The following AEBP1 variants were observed in gnomAD, a reference collection of about 807,000 sequenced individuals.
AEBP1 encodes AE binding protein 1.
In AEBP1, 69 loss-of-function variants were observed where a neutral mutation model predicts 116.5. The observed-to-expected ratio is 0.59, with a 90% CI of 0.49 to 0.72. The LOEUF is 0.72. Ranked by LOEUF, AEBP1 falls within the 30% of genes least tolerant of loss-of-function variation. AEBP1 has a pLI of 0.00. For missense variants in AEBP1, 1,444 were observed against 1,557.5 expected, an observed-to-expected ratio of 0.93 and a Z score of 1.23; for synonymous variants, 627 against 627.3, an observed-to-expected ratio of 1.00 and a Z score of 0.01.
rs1583552782 is a variant in AEBP1 at position 44,110,314 on chromosome 7, C to A, written c.1368C>A (p.Gly456=). 1 of 1,613,712 alleles carries A rather than the reference C, an allele frequency of 6.2e-7. No homozygotes were observed. The highest frequency in any genetic ancestry group is 1.1e-5 in the South Asian group (1 of 91,088). The stretch of plus-strand genomic sequence containing the variant: ...CCAGGAGGACTACCCGGTTCACAGG[C>A]GTCATCACCCAGGGCAGAGACTCCA... ...VDTRRTTRFT[G]VITQGRDSSI... is the part of the protein sequence containing the mutation. The change falls in exon 11 of 21, where the codon GGC becomes GGA. Residue 456 remains glycine (G), a synonymous_variant. Coordinates refer to ENST00000223357, the MANE Select transcript of AEBP1 (RefSeq NM_001129.5).
In AEBP1 at chr7:44,110,187, C is replaced by T. The variant is rs1289648943; in HGVS notation, c.1261-20C>T. The T allele has an allele frequency of 3.1e-6, 5 of 1,613,350 alleles. No individual in the cohort carries two copies. In the African/African-American group the frequency reaches 5.3e-5, roughly 17 times the overall value. On this transcript the variant is annotated intron_variant, in intron 10 of 20. Transcript: ENST00000223357. ...AGGGACTCCTCCGCCCATGCTCAGC[C>T]TCCCCTGCCCCCTGGACAGACCGGT... is the stretch of plus-strand genomic sequence containing the variant.
Position 44,110,236 on chromosome 7 carries a change from T to C in AEBP1, c.1290T>C (p.Asp430=). 1 of 1,613,714 alleles carries C rather than the reference T, an allele frequency of 6.2e-7. No individual in the cohort carries two copies. Among genetic ancestry groups the C allele is most frequent in the Non-Finnish European group, 8.5e-7 (1 of 1,180,010 alleles). ...GTGCCACTGAGGACGACTACTATGA[T>C]GGTGCGTGGTGTGCCGAGGACGATG... ...QTGATEDDYY[D]GAWCAEDDAR... Residue 430 remains aspartate, a synonymous_variant, in exon 11 of 21, where the codon GAT becomes GAC. Transcript: ENST00000223357.
At position 44,113,860 on chromosome 7, in the gene AEBP1, C is replaced by T. The variant is rs1447611514; in HGVS notation, c.3076C>T (p.Arg1026Cys). 2.5e-6 allele frequency: 4 copies of T among 1,613,818 alleles called. No homozygotes were observed. The highest frequency in any genetic ancestry group is 4.5e-5 in the East Asian group (2 of 44,876). ...RRLQQRRLQH[R>C]LRLRAQMRLR... The stretch of plus-strand genomic sequence containing the variant: ...CCTGCAGCAGCGACGCCTACAACAC[C>T]GCCTGCGGCTTCGGGCACAGATGCG... Residue 1026 changes from arginine to cysteine, a missense_variant, in exon 21 of 21, where the codon CGC becomes TGC. By Grantham distance (180) the Arg-to-Cys change is radical. Transcript: ENST00000223357. This position sits in a 1 kb window ranked among gnomAD's most constrained non-coding sequence, Gnocchi z 5.3.
rs142028646 is a variant in AEBP1, at chr7:44,112,719, G to A, written c.2379G>A (p.Arg793=). The change falls in exon 18 of 21, where the codon CGG becomes CGA. Residue 793 remains arginine (R), a synonymous_variant. Transcript: ENST00000223357. The surrounding 1 kb of genome is among the most constrained non-coding windows in gnomAD (Gnocchi z 6.6). The stretch of plus-strand genomic sequence containing the variant: ...TGGCCGCAGCCATGGCAGCAGCCCG[G>A]GGGGAGGATGAGGACGAGGTCTCCG... The part of the protein sequence containing the change: ...QLLAAAMAAA[R]GEDEDEVSEA... The A allele has an allele frequency of 1.9e-5, 30 of 1,613,264 alleles. No individual in the cohort carries two copies. The African/African-American group carries it at 2.8e-4, about 15-fold the overall frequency.
At chr7:44,109,068 A>G (rs2096226070) in intron 7 of AEBP1, 39 bp from the exon 8 acceptor site, 1 of 1,612,758 alleles carries the variant, frequency 6.2e-7, no homozygotes, top group East Asian at 2.2e-5. Context: ...CAAAGCCCAG[A>G]GCCAGGCTGA....
chr7:44,109,063 C>A, intron 7 of AEBP1, 44 bp from the exon 8 acceptor site: 1 of 1,612,408 alleles, frequency 6.2e-7, no homozygotes, highest in Non-Finnish European at 8.5e-7. Context: ...GTCCTCAAAG[C>A]CCAGAGCCAG....
In AEBP1 at chr7:44,108,063, G is replaced by A. The variant is rs138067786; in HGVS notation, c.919G>A (p.Val307Met). The change falls in exon 6 of 21, where the codon GTG becomes ATG. Residue 307 changes from valine (V) to methionine (M), a missense_variant. Coordinates refer to ENST00000223357, the MANE Select transcript of AEBP1 (RefSeq NM_001129.5). This position sits in a 1 kb window ranked among gnomAD's most constrained non-coding sequence, Gnocchi z 5.0. Reference protein sequence around the residue: ...PLPPDYGDGYVIPNYDDMDYY... With the variant: ...PLPPDYGDGYMIPNYDDMDYY... The stretch of plus-strand genomic sequence containing the variant: ...GCCCCCTGACTATGGTGATGGTTAC[G>A]TGATCCCCAACTACGATGACAGTGA... 2.1e-4 allele frequency: 343 copies of A among 1,602,668 alleles called. 1 individual carries two copies. In the African/African-American group the frequency reaches 3.7e-3, roughly 17 times the overall value.
Position 44,107,373 on chromosome 7 carries a change from C to A in AEBP1, c.596-66C>A. On this transcript the variant is annotated intron_variant, in intron 2 of 20. Coordinates refer to ENST00000223357, the MANE Select transcript of AEBP1 (RefSeq NM_001129.5). This position sits in a 1 kb window ranked among gnomAD's most constrained non-coding sequence, Gnocchi z 4.3. ...GTGGGCTCTATGGGTGGCTGGTGGC[C>A]TGAGGCTCCCAAGGTGGTCAGAGCA... 1 of 1,538,190 alleles carries A rather than the reference C, an allele frequency of 6.5e-7. No individual in the cohort carries two copies. Among genetic ancestry groups the A allele is most frequent in the East Asian group, 2.3e-5 (1 of 44,430 alleles).
chr7:44,111,422 T>C lies in AEBP1; in HGVS notation c.1717-85T>C. The C allele has an allele frequency of 6.7e-7, 1 of 1,491,860 alleles. No homozygotes were observed. The highest frequency in any genetic ancestry group is 8.9e-7 in the Non-Finnish European group (1 of 1,119,026). 92.4% of individuals were successfully genotyped at this position (1,491,860 alleles called of 1,614,324 possible). On this transcript the variant is annotated intron_variant, in intron 14 of 20. Transcript: ENST00000223357. The surrounding 1 kb of genome is among the most constrained non-coding windows in gnomAD (Gnocchi z 4.7). Reference sequence around the variant, plus strand: ...AAGGGGTCATGCCCGTCCCTCGCCATAGAGCAGGCCCTGGAAGTGGAAGGG... The same window carrying C: ...AAGGGGTCATGCCCGTCCCTCGCCACAGAGCAGGCCCTGGAAGTGGAAGGG...
chr7:44,106,595 A>C lies in AEBP1; in HGVS notation c.303A>C (p.Lys101Asn). The change falls in exon 2 of 21, where the codon AAA becomes AAC. Residue 101 changes from lysine (K) to asparagine (N), a missense_variant. Physicochemically the swap from Lys to Asn is moderately conservative, Grantham distance 94 (BLOSUM62 0). Transcript: ENST00000223357. The stretch of plus-strand genomic sequence containing the variant: ...AAGGGAAGAAAGGCAAGAAAGACAA[A>C]GGCCCCAAGGTGCCCAAGGAGTCCT... ...KDKGKKGKKD[K>N]GPKVPKESLE... The C allele has an allele frequency of 6.2e-7, 1 of 1,608,638 alleles. No individual in the cohort carries two copies. Among genetic ancestry groups the C allele is most frequent in the South Asian group, 1.1e-5 (1 of 90,572 alleles).
Position 44,113,608 on chromosome 7 carries a change from T to G in AEBP1, c.2824T>G (p.Tyr942Asp). The change falls in exon 21 of 21, where the codon TAC becomes GAC. Residue 942 changes from tyrosine (Y) to aspartate (D), a missense_variant. By Grantham distance (160) the Tyr-to-Asp change is radical. Transcript: ENST00000223357. This position sits in a 1 kb window ranked among gnomAD's most constrained non-coding sequence, Gnocchi z 5.3. The part of the protein sequence containing the change: ...HGVKTASGGD[Y>D]WRILNPGEYR... ...TCCCTCCGCAGCCAGTGGTGGTGATTACTGGCGAATCTTGAACCCGGGTGA... is the reference window on the plus strand; with the variant it reads ...TCCCTCCGCAGCCAGTGGTGGTGATGACTGGCGAATCTTGAACCCGGGTGA... 1 of 1,611,726 alleles carries G rather than the reference T, an allele frequency of 6.2e-7. No individual in the cohort carries two copies. The highest frequency in any genetic ancestry group is 8.5e-7 in the Non-Finnish European group (1 of 1,179,566).
chr7:44,109,366 A>C, intron 9 of AEBP1, 25 bp downstream of exon 9: 110 of 504,646 alleles, frequency 2.2e-4, no homozygotes, highest in Non-Finnish European at 2.9e-4. Context: ...CAAGGGGGTG[A>C]GGGTGGGGGC....
chr7:44,110,276 A>T lies in AEBP1; in HGVS notation c.1330A>T (p.Ile444Leu), dbSNP rs61737461. 3.7e-3 allele frequency: 5,953 copies of T among 1,613,678 alleles called. 174 individuals are homozygous for T. The African/African-American group carries it at 0.064, about 17-fold the overall frequency. ...CGAGGACGATGCCAGGACCCAGTGGATAGAGGTGGACACCAGGAGGACTAC... is the reference window on the plus strand; with the variant it reads ...CGAGGACGATGCCAGGACCCAGTGGTTAGAGGTGGACACCAGGAGGACTAC... ...CAEDDARTQW[I>L]EVDTRRTTRF... is the part of the protein sequence containing the mutation. Residue 444 changes from isoleucine to leucine, a missense_variant, in exon 11 of 21, where the codon ATA becomes TTA. Transcript: ENST00000223357.
chr7:44,111,245 G>T lies in AEBP1; in HGVS notation c.1716+6G>T. 6.6e-7 allele frequency: 1 copy of T among 1,512,630 alleles called. No individual in the cohort carries two copies. The highest frequency in any genetic ancestry group is 1.3e-5 in the South Asian group (1 of 74,136). 93.7% of individuals were successfully genotyped at this position (1,512,630 alleles called of 1,614,324 possible). ...GCTACAAGGACATGCGCCAGGTTGG[G>T]AGCATATATCCTGGGGCTGGGGGTG... On this transcript the variant is annotated splice_donor_region_variant and intron_variant, in intron 14 of 20. Transcript: ENST00000223357. The surrounding 1 kb of genome is among the most constrained non-coding windows in gnomAD (Gnocchi z 4.7).
chr7:44,113,908 A>C lies in AEBP1; in HGVS notation c.3124A>C (p.Thr1042Pro), dbSNP rs2096233333. 6.2e-7 allele frequency: 1 copy of C among 1,613,084 alleles called. No individual in the cohort carries two copies. Among genetic ancestry groups the C allele is most frequent in the Non-Finnish European group, 8.5e-7 (1 of 1,179,944 alleles). ...GCGGCTGCGGCGCCTCAACGCCACC[A>C]CCACCCTAGGCCCCCACACTGTGCC... ...QMRLRRLNAT[T>P]TLGPHTVPPT... Residue 1042 changes from threonine (T) to proline (P), a missense_variant, in exon 21 of 21, where the codon ACC (threonine) becomes CCC (proline). Transcript: ENST00000223357. The surrounding 1 kb of genome is among the most constrained non-coding windows in gnomAD (Gnocchi z 5.3).
chr7:44,112,361 C>T lies in AEBP1; in HGVS notation c.2217+40C>T. The T allele has an allele frequency of 6.6e-7, 1 of 1,515,280 alleles. No homozygotes were observed. The allele number at this position is 1,515,280 out of a possible 1,614,324, so 93.9% of individuals were successfully genotyped here. ...TGGCTGAAAGGGCAGGAGGGAGCAG[C>T]TGGACCCTGGGGTCCTGGTGTTCTG... On this transcript the variant is annotated intron_variant, in intron 17 of 20. Coordinates refer to ENST00000223357, the MANE Select transcript of AEBP1 (RefSeq NM_001129.5). This position sits in a 1 kb window ranked among gnomAD's most constrained non-coding sequence, Gnocchi z 6.6.
Position 44,113,468 on chromosome 7 carries a change from G to A in AEBP1, c.2809+117G>A. On this transcript the variant is annotated intron_variant, in intron 20 of 20. Coordinates refer to ENST00000223357, the MANE Select transcript of AEBP1 (RefSeq NM_001129.5). The surrounding 1 kb of genome is among the most constrained non-coding windows in gnomAD (Gnocchi z 5.3). ...CTGGGGAGCCTGGGGGCGAAATTCAGAGAGGGAGGGCGGTGCTGGGGGCGG... is the reference window on the plus strand; with the variant it reads ...CTGGGGAGCCTGGGGGCGAAATTCAAAGAGGGAGGGCGGTGCTGGGGGCGG... The A allele has an allele frequency of 7.4e-7, 1 of 1,357,824 alleles. No homozygotes were observed. 84.1% of individuals were successfully genotyped at this position (1,357,824 alleles called of 1,614,324 possible). A position where few individuals can be genotyped will look rare whatever the true frequency, so the allele number is the denominator to read the frequency against.
rs1480428438 is a variant in AEBP1 at position 44,110,337 on chromosome 7, C to A, written c.1391C>A (p.Ser464Tyr). 1 of 1,613,680 alleles carries A rather than the reference C, an allele frequency of 6.2e-7. No individual in the cohort carries two copies. Reference sequence around the variant, plus strand: ...GGCGTCATCACCCAGGGCAGAGACTCCAGCATCCAGTGCGTGGCCAGGCTC... The same window carrying A: ...GGCGTCATCACCCAGGGCAGAGACTACAGCATCCAGTGCGTGGCCAGGCTC... ...FTGVITQGRD[S>Y]SIHDDFVTTF... Residue 464 changes from serine to tyrosine, a missense_variant, in exon 11 of 21, where the codon TCC becomes TAC. Ser to Tyr is a moderately radical substitution (Grantham distance 144). Transcript: ENST00000223357.
At position 44,108,814 on chromosome 7, in the gene AEBP1, C is replaced by A; in HGVS notation, c.941-85C>A. 7.6e-7 allele frequency: 1 copy of A among 1,313,130 alleles called. No individual in the cohort carries two copies. The highest frequency in any genetic ancestry group is 1.1e-6 in the Non-Finnish European group (1 of 935,642). The allele number at this position is 1,313,130 out of a possible 1,614,324, so 81.3% of individuals were successfully genotyped here. On this transcript the variant is annotated intron_variant, in intron 6 of 20. Coordinates refer to ENST00000223357, the MANE Select transcript of AEBP1 (RefSeq NM_001129.5). The surrounding 1 kb of genome is among the most constrained non-coding windows in gnomAD (Gnocchi z 5.0). ...CGTCCTCCTCCCCTCTGGCGCGGTC[C>A]TGTCCTGCTGAGCTCCTGTGGACCC...
Sources: allele counts gnomAD v4.1 joint callset, GRCh38; gene constraint gnomAD v4.1.1; non-coding constraint Gnocchi (gnomAD v3.1); transcripts MANE v1.5; gene names NCBI Gene and HGNC (gene_info 2026-07-23, HGNC 2026-07-21).